The following SEPTIN2 variants were observed in gnomAD, a reference collection of about 807,000 sequenced individuals.
The protein encoded by SEPTIN2 is septin-2.
SEPTIN2 carries 34 observed loss-of-function variants against 46.5 expected under a neutral mutation model. The ratio of observed to expected loss-of-function variants is 0.73; its 90% CI spans 0.56 to 0.97. The LOEUF (loss-of-function observed/expected upper bound fraction) is 0.97, where lower values mean the gene tolerates loss of function less well. SEPTIN2 is among the 50% of genes least tolerant of loss of function. SEPTIN2 has a pLI of 0.00. For synonymous variants in SEPTIN2, 175 were observed against 153.4 expected (o/e 1.14, Z -1.04); for missense variants, 347 against 448.4 (o/e 0.77, Z 2.04).
chr2:241,338,967 A>ATAT (rs2080834134), intron 7 of SEPTIN2, among the ~76,000 whole-genome samples: 4 of 85,240 alleles, frequency 4.7e-5, no homozygotes, highest in East Asian at 3.0e-4. Flanking sequence ...TATATATTAT[A>ATAT]AATATAATAT....
intron 7 of SEPTIN2, among the ~76,000 whole-genome samples, chr2:241,338,964 TATAAA>T (rs1559645119): frequency 0.11 from 11,268 of 106,416 alleles, 794 homozygotes; most frequent in Non-Finnish European, 0.14. Context: ...TAATATATAT[TATAAA>T]TATAATATAT....
intron 8 of SEPTIN2, 111 bp downstream of exon 8, chr2:241,343,204 C>A (rs2081487482): frequency 1.4e-6 from 1 of 700,772 alleles, no homozygotes; most frequent in Non-Finnish European, 2.5e-6. Context: ...TTTTTGCTTT[C>A]AATATATTTT....
At chr2:241,329,532 T>A (rs1472125989) in intron 3 of SEPTIN2, among the ~76,000 whole-genome samples, 1 of 152,226 alleles carries the variant, frequency 6.6e-6, no homozygotes, top group Non-Finnish European at 1.5e-5. Flanking sequence ...TTAGAAATGC[T>A]TGTTTTTCGG....
intron 4 of SEPTIN2, 152 bp from the exon 5 acceptor site, chr2:241,335,821 TTC>T (rs1178869044): frequency 1.1e-6 from 1 of 906,874 alleles, no homozygotes; most frequent in Non-Finnish European, 1.7e-6. Context: ...CCTTTCTGAC[TTC>T]TCTGGGATCT....
chr2:241,320,963 TC>T (rs2077028150), intron 1 of SEPTIN2, among the ~76,000 whole-genome samples: 2 of 152,194 alleles, frequency 1.3e-5, no homozygotes, highest in Non-Finnish European at 2.9e-5. Flanking sequence ...CCCTCCTTGA[TC>T]CTGGGGATAT....
chr2:241,344,665 T>C (rs1329248328), intron 9 of SEPTIN2, among the ~76,000 whole-genome samples: 1 of 152,146 alleles, frequency 6.6e-6, no homozygotes, highest in African/African-American at 2.4e-5. Context: ...ATTGCACCAC[T>C]GCACTCCAGC....
intron 10 of SEPTIN2, among the ~76,000 whole-genome samples, chr2:241,346,865 A>G (rs1575389402): frequency 1.3e-5 from 2 of 152,210 alleles, no homozygotes; most frequent in African/African-American, 4.8e-5. Context: ...AAACTGCAGC[A>G]CCTGAGTTAA....
intron 10 of SEPTIN2, among the ~76,000 whole-genome samples, chr2:241,347,717 A>G (rs539778961): frequency 9.2e-5 from 14 of 152,236 alleles, no homozygotes; most frequent in Non-Finnish European, 1.9e-4. Flanking sequence ...TATTCATTAT[A>G]TCTTTAATTA....
intron 9 of SEPTIN2, 128 bp downstream of exon 9, chr2:241,344,025 C>A: frequency 8.5e-7 from 1 of 1,170,708 alleles, no homozygotes; most frequent in Non-Finnish European, 1.2e-6. Flanking sequence ...GTGTTTCTCA[C>A]ATCGCAGAAG....
rs918367742 is a variant in SEPTIN2, at chr2:241,336,393, C to G, written c.341+295C>G. The G allele has an allele frequency of 8.6e-6, 3 of 346,830 alleles. No individual in the cohort carries two copies. The Admixed American group carries it at 1.3e-4, about 16-fold the overall frequency. The allele number at this position is 346,830 out of a possible 1,614,324, so 21.5% of individuals were successfully genotyped here. Reference sequence around the variant, plus strand: ...TGGTGACCGAGATACTGTAGTACATCCTTTCTATGTGGAAGGAAGTGAAAC... The same window carrying G: ...TGGTGACCGAGATACTGTAGTACATGCTTTCTATGTGGAAGGAAGTGAAAC... On this transcript the variant is annotated intron_variant, in intron 5 of 12. Coordinates refer to ENST00000391971, the MANE Select transcript of SEPTIN2 (RefSeq NM_004404.5).
At chr2:241,340,830 A>G (rs1258535888) in intron 7 of SEPTIN2, among the ~76,000 whole-genome samples, 1 of 152,006 alleles carries the variant, frequency 6.6e-6, no homozygotes, top group African/African-American at 2.4e-5. Flanking sequence ...TGCCCTATCT[A>G]CAAGAACCTC....
chr2:241,348,671 A>C lies in SEPTIN2; in HGVS notation c.984+480A>C, dbSNP rs998603724. 5.9e-5 allele frequency among the ~76,000 whole-genome samples: 9 copies of C among 152,134 alleles called. No homozygotes were observed. In the East Asian group the frequency reaches 1.7e-3, roughly 29 times the overall value. ...ACTTTATTACTATATATACACATCT[A>C]TATATAATAATAAACATGGATATTT... On this transcript the variant is annotated intron_variant, in intron 11 of 12. Transcript: ENST00000391971.
intron 3 of SEPTIN2, among the ~76,000 whole-genome samples, chr2:241,331,082 G>C (rs573895936): frequency 3.3e-5 from 5 of 152,324 alleles, no homozygotes; most frequent in African/African-American, 1.2e-4. Context: ...TGGAGGCTGA[G>C]GCGGGAGAAT....
intron 1 of SEPTIN2, among the ~76,000 whole-genome samples, chr2:241,320,683 G>T (rs545209885): frequency 6.6e-6 from 1 of 152,090 alleles, no homozygotes; most frequent in Non-Finnish European, 1.5e-5. Context: ...CAGCTATTCC[G>T]GAGGCTGAGG....
chr2:241,328,760 G>T (rs1484150906), intron 3 of SEPTIN2, among the ~76,000 whole-genome samples: 1 of 147,584 alleles, frequency 6.8e-6, no homozygotes, highest in East Asian at 2.1e-4. Context: ...GGTGGCTCAC[G>T]CCTGTAATCC....
At chr2:241,338,221 C>T (rs1415083383) in intron 7 of SEPTIN2, among the ~76,000 whole-genome samples, 2 of 152,110 alleles carry the variant, frequency 1.3e-5, no homozygotes, top group African/African-American at 2.4e-5. Context: ...GCCAGCGAAG[C>T]GCCTCTCACC....
intron 5 of SEPTIN2, 131 bp downstream of exon 5, chr2:241,336,229 C>T (rs945568644): frequency 4.2e-6 from 4 of 958,892 alleles, no homozygotes; most frequent in African/African-American, 1.7e-5. Context: ...CAATTTAAAG[C>T]GTGTTAAATG....
At chr2:241,320,798 AAAAG>A (rs1559590310) in intron 1 of SEPTIN2, among the ~76,000 whole-genome samples, 1 of 152,126 alleles carries the variant, frequency 6.6e-6, no homozygotes, top group South Asian at 2.1e-4. Context: ...TCAAAAAACA[AAAAG>A]AAAACCAGCT....
At chr2:241,347,452 T>TG (rs1559668705) in intron 10 of SEPTIN2, among the ~76,000 whole-genome samples, 1 of 152,220 alleles carries the variant, frequency 6.6e-6, no homozygotes, top group African/African-American at 2.4e-5. Context: ...TAGTGTGCTT[T>TG]GCAGAGCACA....
Sources: gnomAD v4.1 joint callset for allele counts (sites outside exome capture counted in the v4.1 genomes callset) on GRCh38, gnomAD v4.1.1 for gene constraint, MANE v1.5 for transcripts, NCBI Gene and HGNC (gene_info 2026-07-23, HGNC 2026-07-21) for gene names.